Variants in FCRL3 observed in about 807,000 individuals in gnomAD.
FCRL3 encodes the protein Fc receptor-like protein 3.
FCRL3 carries 89 observed loss-of-function variants against 75.0 expected under a neutral mutation model. The ratio of observed to expected loss-of-function variants is 1.19; its 90% CI spans 1.00 to 1.42. The LOEUF (loss-of-function observed/expected upper bound fraction) is 1.42. Ranked by LOEUF, FCRL3 falls within the 40% of genes most tolerant of loss-of-function variation. The probability of loss-of-function intolerance (pLI) is 0.00; values close to 1 mark genes in which losing one functional copy is unlikely to be tolerated. For synonymous variants in FCRL3, 376 were observed against 348.5 expected (o/e 1.08, Z -0.88); for missense variants, 946 against 880.0 (o/e 1.07, Z -0.95).
chr1:157,697,787 T>C lies in FCRL3; in HGVS notation c.431A>G (p.Tyr144Cys), dbSNP rs753606317. The C allele has an allele frequency of 5.6e-6, 9 of 1,614,186 alleles. No homozygotes were observed. In the East Asian group the frequency reaches 8.9e-5, roughly 16 times the overall value. ...ATTCACTGTGATCTTCTCTAAATTA[T>C]AACTATTAGGAAGCTGTTTTCCATC... ...YKDGKQLPNS[Y>C]NLEKITVNSV... Residue 144 changes from tyrosine to cysteine, a missense_variant, in exon 5 of 15, where the codon TAT (tyrosine) becomes TGT (cysteine). By Grantham distance (194) the Tyr-to-Cys change is radical. Coordinates refer to ENST00000368184, the MANE Select transcript of FCRL3 (RefSeq NM_052939.4).
chr1:157,696,198 T>C lies in FCRL3; in HGVS notation c.974A>G (p.Glu325Gly). ...SGTVTFSWHKEGRVRSLGRKT... is the reference protein window; with the variant it reads ...SGTVTFSWHKGGRVRSLGRKT... ...TCTACCCAGGCTTCTTACTCTTCCT[T>C]CTTTGTGCCAGGAGAATGTGACAGT... The change falls in exon 7 of 15, where the codon GAA becomes GGA. Residue 325 changes from glutamate to glycine, a missense_variant. Glu to Gly is a moderately conservative substitution (Grantham distance 98). Transcript: ENST00000368184. 6.2e-7 allele frequency: 1 copy of C among 1,613,952 alleles called. No homozygotes were observed. The highest frequency in any genetic ancestry group is 8.5e-7 in the Non-Finnish European group (1 of 1,179,982).
intron 11 of FCRL3, among the ~76,000 whole-genome samples, chr1:157,682,025 G>T (rs2101590074): frequency 6.6e-6 from 1 of 151,736 alleles, no homozygotes; most frequent in South Asian, 2.1e-4. Flanking sequence ...GTGTTTTTTG[G>T]CTGCATAAAT....
chr1:157,690,495 C>T lies in FCRL3; in HGVS notation c.1450G>A (p.Gly484Arg), dbSNP rs143597458. The T allele has an allele frequency of 2.4e-5, 39 of 1,614,158 alleles. No homozygotes were observed. The highest frequency in any genetic ancestry group is 4.0e-5 in the African/African-American group (3 of 75,034). Reference sequence around the variant, plus strand: ...AGGTCCCCCACCACAGCCTGGGCCCCGGGAGCCCTGAGGGTGAGGACGGGG... The same window carrying T: ...AGGTCCCCCACCACAGCCTGGGCCCTGGGAGCCCTGAGGGTGAGGACGGGG... ...SRPVLTLRAP[G>R]AQAVVGDLLE... Residue 484 changes from glycine to arginine, a missense_variant, in exon 9 of 15, where the codon GGG becomes AGG. By Grantham distance (125) the Gly-to-Arg change is moderately radical. Coordinates refer to ENST00000368184, the MANE Select transcript of FCRL3 (RefSeq NM_052939.4).
intron 6 of FCRL3, 140 bp from the exon 7 acceptor site, chr1:157,696,467 T>C (rs1272261533): frequency 3.9e-6 from 3 of 766,530 alleles, no homozygotes; most frequent in Non-Finnish European, 6.2e-6. Flanking sequence ...AGAAATTAAT[T>C]GTGTATACGA....
chr1:157,686,950 A>C (rs568473146), intron 10 of FCRL3, among the ~76,000 whole-genome samples: 1 of 152,276 alleles, frequency 6.6e-6, no homozygotes, highest in African/African-American at 2.4e-5. Context: ...GACTTAATTA[A>C]ACTAAAGAGC....
chr1:157,697,874 T>C lies in FCRL3; in HGVS notation c.344A>G (p.Asn115Ser). Residue 115 changes from asparagine (N) to serine (S), a missense_variant, in exon 5 of 15, where the codon AAT (asparagine) becomes AGT (serine). Coordinates refer to ENST00000368184, the MANE Select transcript of FCRL3 (RefSeq NM_052939.4). ...QALHPVFEGD[N>S]VILRCQGKDN... The stretch of plus-strand genomic sequence containing the variant: ...TTTCCCCTGACATCTCAGAATGACA[T>C]TGTCTCCTTCAAAGACAGGATGTAA... 2 of 1,614,112 alleles carry C rather than the reference T, an allele frequency of 1.2e-6. No individual in the cohort carries two copies. Among genetic ancestry groups the C allele is most frequent in the Middle Eastern group, 3.3e-4 (2 of 6,062 alleles).
chr1:157,678,594 C>G lies in FCRL3; in HGVS notation c.*116G>C. ...CAGACCTTTTGCTCAGCCTCACATACCCTGCAGCCCAGCCTCGTAGGAGGC... is the reference window on the plus strand; with the variant it reads ...CAGACCTTTTGCTCAGCCTCACATAGCCTGCAGCCCAGCCTCGTAGGAGGC... On this transcript the variant is annotated 3_prime_UTR_variant, in exon 15 of 15. Transcript: ENST00000368184. 1 of 1,538,630 alleles carries G rather than the reference C, an allele frequency of 6.5e-7. No homozygotes were observed. The highest frequency in any genetic ancestry group is 8.7e-7 in the Non-Finnish European group (1 of 1,152,210).
Position 157,697,372 on chromosome 1 carries a change from C to G in FCRL3, c.612G>C (p.Gly204=), listed in dbSNP as rs1655995555. The change falls in exon 6 of 15, where the codon GGG becomes GGC. Residue 204 remains glycine (G), a synonymous_variant. Coordinates refer to ENST00000368184, the MANE Select transcript of FCRL3 (RefSeq NM_052939.4). Reference sequence around the variant, plus strand: ...TCTCACAGGTCAGGGTCATGGGACTCCCCTCTATGGGCGTGGAAGAGCTGG... The same window carrying G: ...TCTCACAGGTCAGGGTCATGGGACTGCCCTCTATGGGCGTGGAAGAGCTGG... ...LRASSSTPIE[G]SPMTLTCETQ... The G allele has an allele frequency of 1.3e-6, 2 of 1,587,382 alleles. No homozygotes were observed. Among genetic ancestry groups the G allele is most frequent in the South Asian group, 2.3e-5 (2 of 86,002 alleles).
At chr1:157,683,276 A>G (rs1654964553) in intron 10 of FCRL3, 32 bp from the exon 11 acceptor site, 1 of 1,612,652 alleles carries the variant, frequency 6.2e-7, no homozygotes, top group African/African-American at 1.3e-5. Context: ...GTTGGTGGTA[A>G]GTGAGCTGTG....
chr1:157,684,550 TC>T (rs1655056999), intron 10 of FCRL3, among the ~76,000 whole-genome samples: 3 of 152,160 alleles, frequency 2.0e-5, no homozygotes, highest in Non-Finnish European at 4.4e-5. Flanking sequence ...TATCTCCTTA[TC>T]TGTAAAAGAG....
In FCRL3 at chr1:157,698,582, C is replaced by G. The variant is rs1176987627; in HGVS notation, c.100G>C (p.Ala34Pro). 6.2e-7 allele frequency: 1 copy of G among 1,613,932 alleles called. No homozygotes were observed. The highest frequency in any genetic ancestry group is 8.5e-7 in the Non-Finnish European group (1 of 1,179,890). The part of the protein sequence containing the change: ...VLLLNPPWST[A>P]FKGEKVALIC... ...AGAGCCACTTTTTCTCCTTTGAAGG[C>G]TGTGGACCATGGAGGATTGAGGAGA... is the stretch of plus-strand genomic sequence containing the variant. Residue 34 changes from alanine to proline, a missense_variant, in exon 4 of 15, where the codon GCC (alanine) becomes CCC (proline). Physicochemically the swap from Ala to Pro is conservative, Grantham distance 27. Transcript: ENST00000368184.
intron 13 of FCRL3, among the ~76,000 whole-genome samples, chr1:157,679,828 CACAAAAAAAAAAAA>C (rs1291616107): frequency 0.011 from 312 of 27,926 alleles, 5 homozygotes; most frequent in African/African-American, 0.022. Context: ...GACCCCATCT[CACAAAAAAAAAAAA>C]AAAAAAAAAA....
chr1:157,700,321 AC>A, intron 2 of FCRL3, 137 bp downstream of exon 2: 1 of 1,313,916 alleles, frequency 7.6e-7, no homozygotes. Flanking sequence ...TGTCCAGGGA[AC>A]CCAGCTCTGC....
chr1:157,678,994 A>G (rs370979735), intron 13 of FCRL3, 21 bp from the exon 14 acceptor site: 533 of 1,613,990 alleles, frequency 3.3e-4, no homozygotes, highest in Middle Eastern at 5.0e-4. Context: ...GGAGTAGCAA[A>G]GAAAAGTATT....
chr1:157,695,671 A>C, intron 7 of FCRL3, 64 bp from the exon 8 acceptor site: 1 of 1,521,400 alleles, frequency 6.6e-7, no homozygotes, highest in Non-Finnish European at 8.8e-7. Flanking sequence ...ACCTCTCTCA[A>C]GGAGCCTAGC....
At chr1:157,679,828 CACAAAAAAAAAAAAAAAAA>C (rs1387776771) in intron 13 of FCRL3, among the ~76,000 whole-genome samples, 1 of 27,922 alleles carries the variant, frequency 3.6e-5, no homozygotes, top group African/African-American at 7.5e-5. Context: ...GACCCCATCT[CACAAAAAAAAAAAAAAAAA>C]AAAAAAAAAA....
intron 10 of FCRL3, among the ~76,000 whole-genome samples, chr1:157,685,632 G>A (rs756159882): frequency 5.9e-5 from 9 of 151,952 alleles, no homozygotes; most frequent in South Asian, 2.1e-4. Context: ...TATTCTATCC[G>A]GCAACTATGG....
At chr1:157,685,693 ATGC>A (rs1655133515) in intron 10 of FCRL3, among the ~76,000 whole-genome samples, 1 of 152,172 alleles carries the variant, frequency 6.6e-6, no homozygotes, top group South Asian at 2.1e-4. Flanking sequence ...GATCAGCCAT[ATGC>A]TGGGCCATAA....
chr1:157,700,383 A>G, intron 2 of FCRL3, 76 bp downstream of exon 2: 4 of 1,607,980 alleles, frequency 2.5e-6, no homozygotes, highest in Non-Finnish European at 3.4e-6. Flanking sequence ...AGAAGCAGAG[A>G]TAGAAGCTCC....
Sources: gnomAD v4.1 joint callset for allele counts (sites outside exome capture counted in the v4.1 genomes callset) on GRCh38, gnomAD v4.1.1 for gene constraint, MANE v1.5 for transcripts, NCBI Gene and HGNC (gene_info 2026-07-23, HGNC 2026-07-21) for gene names.